KIAA1328: variants seen among roughly 807,000 people sequenced by gnomAD.
KIAA1328 encodes KIAA1328, also known as protein hinderin.
In KIAA1328, 52 loss-of-function variants were observed where a neutral mutation model predicts 68.1. That is an observed-to-expected ratio of 0.76 (90% CI 0.61 to 0.96). The LOEUF (loss-of-function observed/expected upper bound fraction) is 0.96. Ranked by LOEUF, KIAA1328 falls within the 40% of genes least tolerant of loss-of-function variation. KIAA1328 has a pLI of 0.00. For missense variants in KIAA1328, 641 were observed against 677.6 expected (o/e 0.95, Z 0.60); for synonymous variants, 232 against 239.4 (o/e 0.97, Z 0.28).
chr18:37,023,762 TG>T (rs1402361541), intron 6 of KIAA1328, among the ~76,000 whole-genome samples: 1 of 152,136 alleles, frequency 6.6e-6, no homozygotes, highest in Admixed American at 6.5e-5. Context: ...TGTCCCCCCA[TG>T]ACAGTTGAAC....
intron 5 of KIAA1328, among the ~76,000 whole-genome samples, chr18:36,922,640 A>G (rs1366614357): frequency 6.6e-6 from 1 of 152,130 alleles, no homozygotes; most frequent in East Asian, 1.9e-4. Flanking sequence ...TTGGTTACTA[A>G]AAATGTTTAT....
At chr18:37,053,218 A>G (rs1275724032) in intron 6 of KIAA1328, among the ~76,000 whole-genome samples, 1 of 152,228 alleles carries the variant, frequency 6.6e-6, no homozygotes, top group Non-Finnish European at 1.5e-5. Flanking sequence ...CAAAGTCAAC[A>G]AAGGTACACA....
intron 7 of KIAA1328, among the ~76,000 whole-genome samples, chr18:37,125,893 T>G (rs2058377615): frequency 6.6e-6 from 1 of 152,230 alleles, no homozygotes; most frequent in Non-Finnish European, 1.5e-5. Flanking sequence ...GTTGCTACTG[T>G]GCTGCTTAGT....
At chr18:37,025,981 A>T (rs1001400452) in intron 6 of KIAA1328, among the ~76,000 whole-genome samples, 2 of 152,186 alleles carry the variant, frequency 1.3e-5, no homozygotes, top group Admixed American at 1.3e-4. Flanking sequence ...CGCTAGCAAG[A>T]CTAACAAAGA....
chr18:36,998,086 G>T (rs749383983), intron 6 of KIAA1328, among the ~76,000 whole-genome samples: 7 of 152,132 alleles, frequency 4.6e-5, no homozygotes, highest in African/African-American at 1.4e-4. Context: ...CATAGGTATA[G>T]CCTGCTGTCA....
At chr18:36,967,267 C>T (rs2051979928) in intron 6 of KIAA1328, among the ~76,000 whole-genome samples, 1 of 152,084 alleles carries the variant, frequency 6.6e-6, no homozygotes, top group Non-Finnish European at 1.5e-5. Context: ...GAATGGGGCT[C>T]AAAGCTGAGG....
chr18:36,925,067 A>G (rs1356570957), intron 5 of KIAA1328: 1 of 152,196 alleles, frequency 6.6e-6, no homozygotes, highest in Non-Finnish European at 1.5e-5. Flanking sequence ...TTTCATATGT[A>G]AAATGATAAT....
chr18:36,951,505 G>A (rs1017648219), intron 5 of KIAA1328, among the ~76,000 whole-genome samples: 2 of 152,050 alleles, frequency 1.3e-5, no homozygotes, highest in East Asian at 1.9e-4. Flanking sequence ...ACACTCCCTG[G>A]ACAATTTTAC....
intron 6 of KIAA1328, among the ~76,000 whole-genome samples, chr18:36,967,036 G>A (rs899219121): frequency 2.0e-5 from 3 of 152,204 alleles, no homozygotes; most frequent in African/African-American, 7.2e-5. Context: ...CTATGGTATA[G>A]TAGGTAGAAT....
At chr18:37,030,608 T>C (rs1331059449) in intron 6 of KIAA1328, among the ~76,000 whole-genome samples, 2 of 152,228 alleles carry the variant, frequency 1.3e-5, no homozygotes, top group Non-Finnish European at 2.9e-5. Context: ...TTAATCTGCA[T>C]GAAAAATAAT....
At chr18:37,183,275 T>A (rs1320273958) in intron 9 of KIAA1328, among the ~76,000 whole-genome samples, 3 of 152,186 alleles carry the variant, frequency 2.0e-5, no homozygotes. Context: ...CTGAAAGGAT[T>A]TAATTCCCTT....
chr18:36,864,101 A>G (rs2047660022), intron 4 of KIAA1328, among the ~76,000 whole-genome samples: 1 of 152,192 alleles, frequency 6.6e-6, no homozygotes, highest in South Asian at 2.1e-4. Context: ...TTTAGGTGGA[A>G]GGCATTCAGC....
At chr18:37,072,708 G>A (rs1169200282) in intron 7 of KIAA1328, among the ~76,000 whole-genome samples, 1 of 151,994 alleles carries the variant, frequency 6.6e-6, no homozygotes, top group African/African-American at 2.4e-5. Flanking sequence ...TATTACATAG[G>A]TATACGGGTA....
chr18:36,921,994 C>T (rs926162051), intron 5 of KIAA1328, among the ~76,000 whole-genome samples: 1 of 151,740 alleles, frequency 6.6e-6, no homozygotes, highest in East Asian at 2.0e-4. Flanking sequence ...ATGGCACGAT[C>T]GTGGCTCACT....
At chr18:36,980,093 T>A (rs1056592726) in intron 6 of KIAA1328, among the ~76,000 whole-genome samples, 1 of 152,176 alleles carries the variant, frequency 6.6e-6, no homozygotes, top group Non-Finnish European at 1.5e-5. Context: ...CAAAGTGCCA[T>A]CTTAGAAGCA....
Position 37,153,600 on chromosome 18 carries a change from T to G in KIAA1328, c.1233-6600T>G, listed in dbSNP as rs2154210395. Among the ~76,000 whole-genome samples the G allele has an allele frequency of 2.0e-5, 3 of 151,352 alleles. No individual in the cohort carries two copies. The South Asian group carries it at 6.3e-4, about 32-fold the overall frequency. On this transcript the variant is annotated intron_variant, in intron 7 of 9. Coordinates refer to ENST00000280020, the MANE Select transcript of KIAA1328 (RefSeq NM_020776.3). ...CTCTTTCCGTGTTCACAGCAAGGAC[T>G]TGGGAGCTGTGGCAATCCAATAGCT...
intron 5 of KIAA1328, among the ~76,000 whole-genome samples, chr18:36,933,849 A>C (rs1327966545): frequency 6.6e-6 from 1 of 152,216 alleles, no homozygotes; most frequent in Non-Finnish European, 1.5e-5. Flanking sequence ...GATGAACCCC[A>C]ATCCAGTGGA....
intron 6 of KIAA1328, among the ~76,000 whole-genome samples, chr18:37,044,670 A>G (rs1440073612): frequency 1.3e-5 from 2 of 151,852 alleles, no homozygotes; most frequent in African/African-American, 4.8e-5. Flanking sequence ...CATGGTGGCA[A>G]CACACCTGTA....
chr18:36,837,063 C>G (rs752717672), intron 3 of KIAA1328, among the ~76,000 whole-genome samples: 4 of 152,166 alleles, frequency 2.6e-5, no homozygotes, highest in Non-Finnish European at 5.9e-5. Flanking sequence ...CATGATCATT[C>G]ATATACAAGT....
Sources: allele counts gnomAD v4.1 joint callset (sites outside exome capture counted in the v4.1 genomes callset), GRCh38; gene constraint gnomAD v4.1.1; transcripts MANE v1.5; gene names NCBI Gene and HGNC (gene_info 2026-07-23, HGNC 2026-07-21).